DAB1: variants seen among roughly 807,000 people sequenced by gnomAD.
The protein encoded by DAB1 is disabled homolog 1.
In DAB1, 15 loss-of-function variants were observed where a neutral mutation model predicts 64.6. The observed-to-expected ratio is 0.23, with a 90% CI of 0.16 to 0.36. DAB1 has a LOEUF of 0.36. Ranked by LOEUF, DAB1 falls within the 10% of genes least tolerant of loss-of-function variation. The pLI is 1.00. For missense variants in DAB1, 596 were observed against 706.7 expected, an observed-to-expected ratio of 0.84 and a Z score of 1.78; for synonymous variants, 235 against 251.9, an observed-to-expected ratio of 0.93 and a Z score of 0.64.
At chr1:57,181,762 T>C (rs895655515) in intron 2 of DAB1, among the ~76,000 whole-genome samples, 2 of 152,228 alleles carry the variant, frequency 1.3e-5, no homozygotes, top group African/African-American at 2.4e-5. Context: ...CAAATGTGAA[T>C]TTGAATCCCA....
chr1:57,446,140 C>T (rs905525237), intron 7 of DAB1, among the ~76,000 whole-genome samples: 1 of 152,214 alleles, frequency 6.6e-6, no homozygotes, highest in Non-Finnish European at 1.5e-5. Context: ...TTTATTCCAA[C>T]CTACATCATC....
At chr1:58,244,498 TTAAA>T (rs1282506111) in intron 4 of DAB1, among the ~76,000 whole-genome samples, 1 of 152,224 alleles carries the variant, frequency 6.6e-6, no homozygotes, top group African/African-American at 2.4e-5. Flanking sequence ...TCCCTCTCCC[TTAAA>T]TAAAAGAGTT....
chr1:58,487,870 T>A (rs559261665), intron 3 of DAB1, among the ~76,000 whole-genome samples: 1 of 152,216 alleles, frequency 6.6e-6, no homozygotes, highest in East Asian at 1.9e-4. Flanking sequence ...AATAACATTC[T>A]CCCAAATATT....
chr1:58,455,410 G>A (rs899290781), intron 3 of DAB1, among the ~76,000 whole-genome samples: 1 of 152,214 alleles, frequency 6.6e-6, no homozygotes, highest in East Asian at 1.9e-4. Flanking sequence ...GCGGACAGGC[G>A]CAATGCGCTG....
intron 7 of DAB1, among the ~76,000 whole-genome samples, chr1:57,641,555 T>A (rs985036615): frequency 6.6e-6 from 1 of 151,944 alleles, no homozygotes; most frequent in Non-Finnish European, 1.5e-5. Context: ...GGCTAATTTT[T>A]TTGTACTTTT....
At chr1:57,401,012 C>T (rs269051) in intron 1 of DAB1, among the ~76,000 whole-genome samples, 82,477 of 148,230 alleles carry the variant, frequency 0.56, 24,123 homozygotes, top group African/African-American at 0.69. Flanking sequence ...AAAAAAGTGC[C>T]GAAAGGAACT....
chr1:57,810,941 C>A (rs1438652333), intron 6 of DAB1, among the ~76,000 whole-genome samples: 1 of 152,204 alleles, frequency 6.6e-6, no homozygotes. Context: ...TCTGGAAGAT[C>A]TAGGGAGAAT....
intron 6 of DAB1, among the ~76,000 whole-genome samples, chr1:57,791,887 ACTT>A (rs1650618154): frequency 6.6e-6 from 1 of 151,960 alleles, no homozygotes; most frequent in Non-Finnish European, 1.5e-5. Flanking sequence ...TTCTTAATCA[ACTT>A]CTTCTTGTCT....
At chr1:57,118,479 G>A (rs1656342180) in intron 4 of DAB1, among the ~76,000 whole-genome samples, 1 of 152,026 alleles carries the variant, frequency 6.6e-6, no homozygotes, top group Non-Finnish European at 1.5e-5. Flanking sequence ...AAACAGACTG[G>A]GAGACTAACA....
intron 6 of DAB1, among the ~76,000 whole-genome samples, chr1:57,679,327 C>T (rs1450589572): frequency 1.3e-5 from 2 of 152,120 alleles, no homozygotes; most frequent in Admixed American, 6.5e-5. Context: ...AGAAAAGGTT[C>T]TGTACATGGA....
intron 1 of DAB1, among the ~76,000 whole-genome samples, chr1:57,380,043 A>T (rs1681240811): frequency 6.6e-6 from 1 of 152,232 alleles, no homozygotes; most frequent in African/African-American, 2.4e-5. Flanking sequence ...TATTTTGTCA[A>T]TAACTTAGTA....
rs140343350 is a variant in DAB1, at chr1:57,382,531, A to G, written c.-137+41399T>C. Among the ~76,000 whole-genome samples the G allele has an allele frequency of 8.5e-5, 13 of 152,320 alleles. No homozygotes were observed. In the East Asian group the frequency reaches 2.5e-3, roughly 29 times the overall value. ...CCAATAAAGGTATTTCTAGACTAAAATCAAAATATCCAGAAAGCCACATTC... is the reference window on the plus strand; with the variant it reads ...CCAATAAAGGTATTTCTAGACTAAAGTCAAAATATCCAGAAAGCCACATTC... On this transcript the variant is annotated intron_variant, in intron 1 of 14. Coordinates refer to ENST00000371236, the MANE Select transcript of DAB1 (RefSeq NM_001365792.1).
At chr1:57,342,841 G>A (rs550342517) in intron 1 of DAB1, among the ~76,000 whole-genome samples, 3 of 150,310 alleles carry the variant, frequency 2.0e-5, no homozygotes, top group South Asian at 2.1e-4. Context: ...CGGTGGGTTC[G>A]TGGTCTCGCT....
At chr1:57,463,429 A>T (rs923567296) in intron 7 of DAB1, among the ~76,000 whole-genome samples, 2 of 152,212 alleles carry the variant, frequency 1.3e-5, no homozygotes, top group Non-Finnish European at 2.9e-5. Context: ...GTTTTTTATT[A>T]TGTAGCAGAG....
intron 3 of DAB1, among the ~76,000 whole-genome samples, chr1:58,430,582 A>C (rs764516585): frequency 2.0e-5 from 3 of 152,176 alleles, no homozygotes; most frequent in Non-Finnish European, 4.4e-5. Context: ...AGTTTGAAGA[A>C]GACTGCCAGC....
intron 9 of DAB1, among the ~76,000 whole-genome samples, chr1:57,037,119 G>T (rs1336630801): frequency 1.3e-5 from 2 of 152,194 alleles, no homozygotes; most frequent in African/African-American, 4.8e-5. Context: ...GTGGGGCCCT[G>T]GCATCAGTAG....
intron 4 of DAB1, among the ~76,000 whole-genome samples, chr1:58,234,909 A>G (rs1659948199): frequency 6.6e-6 from 1 of 152,238 alleles, no homozygotes; most frequent in Admixed American, 6.5e-5. Flanking sequence ...ACTGGATAAG[A>G]GAAAACAGAG....
At chr1:57,705,171 G>A (rs1273689440) in intron 6 of DAB1, among the ~76,000 whole-genome samples, 1 of 152,158 alleles carries the variant, frequency 6.6e-6, no homozygotes, top group Non-Finnish European at 1.5e-5. Flanking sequence ...CTAAGAGCCA[G>A]ACGAACTAGT....
intron 6 of DAB1, among the ~76,000 whole-genome samples, chr1:57,793,999 T>C (rs1296939197): frequency 6.6e-6 from 1 of 152,174 alleles, no homozygotes; most frequent in East Asian, 1.9e-4. Context: ...CAGCTTATAT[T>C]TTGGCTGCTA....
Sources: allele counts gnomAD v4.1 joint callset (sites outside exome capture counted in the v4.1 genomes callset), GRCh38; gene constraint gnomAD v4.1.1; transcripts MANE v1.5; gene names NCBI Gene and HGNC (gene_info 2026-07-23, HGNC 2026-07-21).